Variants in AUTS2 observed in about 807,000 individuals in gnomAD.
AUTS2 encodes the protein activator of transcription and developmental regulator AUTS2.
A neutral mutation model predicts 112.4 loss-of-function variants in AUTS2; 17 were observed. The observed-to-expected ratio is 0.15, with a 90% CI of 0.10 to 0.23. The LOEUF is 0.23. Ranked by LOEUF, AUTS2 falls within the 10% of genes least tolerant of loss-of-function variation. AUTS2 has a pLI of 1.00. For synonymous variants in AUTS2, 751 were observed against 702.7 expected (o/e 1.07, Z -1.09); for missense variants, 1,510 against 1,701.6 (o/e 0.89, Z 1.98).
chr7:69,632,481 C>A (rs1021252720), intron 1 of AUTS2, among the ~76,000 whole-genome samples: 3 of 151,960 alleles, frequency 2.0e-5, no homozygotes, highest in Non-Finnish European at 2.9e-5. Flanking sequence ...ATCTCTTAGG[C>A]TGACGTGCTC....
intron 4 of AUTS2, among the ~76,000 whole-genome samples, chr7:70,208,306 C>A (rs1025334178): frequency 2.6e-5 from 4 of 152,224 alleles, no homozygotes; most frequent in African/African-American, 9.6e-5. Flanking sequence ...CTTGAAGGAG[C>A]AAGTTAGGAA....
At chr7:70,507,089 T>TTTC (rs1798994416) in intron 5 of AUTS2, among the ~76,000 whole-genome samples, 1 of 152,228 alleles carries the variant, frequency 6.6e-6, no homozygotes, top group Admixed American at 6.5e-5. Context: ...AACATTTTAT[T>TTTC]CAGAAGGCAA....
At chr7:70,504,946 T>C (rs922265181) in intron 5 of AUTS2, among the ~76,000 whole-genome samples, 6 of 152,100 alleles carry the variant, frequency 3.9e-5, no homozygotes, top group Non-Finnish European at 5.9e-5. Flanking sequence ...TGGAAGAGGC[T>C]GGAAAAAGAA....
At chr7:70,569,927 C>T (rs2129525162) in intron 5 of AUTS2, among the ~76,000 whole-genome samples, 1 of 152,098 alleles carries the variant, frequency 6.6e-6, no homozygotes, top group East Asian at 1.9e-4. Context: ...CAAAACAAAA[C>T]TCAAGAAACT....
At chr7:69,729,183 G>GAT (rs1185860882) in intron 1 of AUTS2, among the ~76,000 whole-genome samples, 2 of 152,072 alleles carry the variant, frequency 1.3e-5, no homozygotes, top group Admixed American at 1.3e-4. Flanking sequence ...TCATTTATAG[G>GAT]ATATATATAC....
At chr7:70,740,754 A>G (rs945916300) in intron 6 of AUTS2, among the ~76,000 whole-genome samples, 3 of 152,198 alleles carry the variant, frequency 2.0e-5, no homozygotes, top group Non-Finnish European at 2.9e-5. Flanking sequence ...CTTATTAAGT[A>G]CATTGAAGAG....
chr7:70,442,905 C>T (rs540351048), intron 5 of AUTS2, among the ~76,000 whole-genome samples: 4 of 152,168 alleles, frequency 2.6e-5, no homozygotes, highest in Admixed American at 6.5e-5. Flanking sequence ...CCAAAATCAT[C>T]ATATTTCCAA....
chr7:69,658,482 T>G (rs937268165), intron 1 of AUTS2, among the ~76,000 whole-genome samples: 1 of 152,226 alleles, frequency 6.6e-6, no homozygotes, highest in Non-Finnish European at 1.5e-5. Context: ...TAGACAATTA[T>G]ATACTATTTC....
intron 2 of AUTS2, among the ~76,000 whole-genome samples, chr7:70,034,171 T>C (rs1800901150): frequency 6.6e-6 from 1 of 152,190 alleles, no homozygotes; most frequent in Non-Finnish European, 1.5e-5. Flanking sequence ...AACTGTTTGG[T>C]GCTTACCTGG....
At chr7:70,707,963 G>C (rs1054347922) in intron 6 of AUTS2, among the ~76,000 whole-genome samples, 1 of 152,162 alleles carries the variant, frequency 6.6e-6, no homozygotes, top group South Asian at 2.1e-4. Flanking sequence ...TCTGACCCTC[G>C]TAAACCTTGT....
intron 2 of AUTS2, among the ~76,000 whole-genome samples, chr7:70,053,574 C>T (rs887894369): frequency 1.7e-4 from 19 of 110,432 alleles, no homozygotes; most frequent in Non-Finnish European, 2.9e-4. Context: ...GGATCTCACT[C>T]TGTTTCCCAG....
chr7:70,175,767 A>G (rs1267025125), intron 4 of AUTS2, among the ~76,000 whole-genome samples: 1 of 152,230 alleles, frequency 6.6e-6, no homozygotes, highest in Admixed American at 6.5e-5. Flanking sequence ...TTTTAAAATT[A>G]AGGTAACTAC....
chr7:69,907,648 A>G (rs1341431905), intron 2 of AUTS2, among the ~76,000 whole-genome samples: 1 of 152,246 alleles, frequency 6.6e-6, no homozygotes, highest in Non-Finnish European at 1.5e-5. Flanking sequence ...ATTGTAGGCC[A>G]CATTTTTGGT....
intron 6 of AUTS2, among the ~76,000 whole-genome samples, chr7:70,728,924 TGATTA>T (rs1241659618): frequency 6.6e-6 from 1 of 152,076 alleles, no homozygotes; most frequent in Non-Finnish European, 1.5e-5. Flanking sequence ...CAATGCTCCC[TGATTA>T]GAAGAAATGT....
At chr7:70,785,055 G>A in intron 16 of AUTS2, 36 bp downstream of exon 16, 1 of 1,604,070 alleles carries the variant, frequency 6.2e-7, no homozygotes, top group Non-Finnish European at 8.5e-7. Flanking sequence ...TGAGATGTGT[G>A]CTTCAGGCAA....
chr7:70,312,644 G>A lies in AUTS2; in HGVS notation c.661-123108G>A, dbSNP rs1268539260. On this transcript the variant is annotated intron_variant, in intron 4 of 18. Coordinates refer to ENST00000342771, the MANE Select transcript of AUTS2 (RefSeq NM_015570.4). ...CACTGTGAAGGTGGGACTGAAAGTA[G>A]GTGATAGGAAAGGGTGGCCCCACAC... Among the ~76,000 whole-genome samples the A allele has an allele frequency of 2.0e-5, 3 of 152,182 alleles. No individual in the cohort carries two copies. In the East Asian group the frequency reaches 5.8e-4, roughly 29 times the overall value.
intron 6 of AUTS2, among the ~76,000 whole-genome samples, chr7:70,745,890 T>A (rs368987565): frequency 6.6e-6 from 1 of 152,232 alleles, no homozygotes; most frequent in East Asian, 1.9e-4. Context: ...CAGAGAGACA[T>A]GATTTTTCTG....
intron 5 of AUTS2, among the ~76,000 whole-genome samples, chr7:70,685,472 C>CAAAAAAAAAAAAAAAAAA (rs34403837): frequency 1.5e-5 from 1 of 65,988 alleles, no homozygotes. Context: ...GACTCTGTCT[C>CAAAAAAAAAAAAAAAAAA]AAAAAAAAAA....
chr7:70,790,810 C>A lies in AUTS2; in HGVS notation c.3594C>A (p.Ser1198Arg). The part of the protein sequence containing the change: ...GLPSMHYPRI[S>R]PTAGNQNGLL... ...CCAGCATGCACTATCCCCGCATCAG[C>A]CCCACCGCGGGCAACCAGAACGGAC... The change falls in exon 19 of 19, where the codon AGC becomes AGA. Residue 1198 changes from serine to arginine, a missense_variant. This residue lies in a region of AUTS2 where 788 missense variants were observed against 797.6 expected (regional missense o/e 0.99). Coordinates refer to ENST00000342771, the MANE Select transcript of AUTS2 (RefSeq NM_015570.4). This position sits in a 1 kb window ranked among gnomAD's most constrained non-coding sequence, Gnocchi z 7.6. 6.2e-7 allele frequency: 1 copy of A among 1,607,260 alleles called. No homozygotes were observed. The highest frequency in any genetic ancestry group is 1.1e-5 in the South Asian group (1 of 90,266).
Sources: allele counts gnomAD v4.1 joint callset (sites outside exome capture counted in the v4.1 genomes callset), GRCh38; gene constraint gnomAD v4.1.1; regional missense constraint gnomAD v4.1.1; non-coding constraint Gnocchi (gnomAD v3.1); transcripts MANE v1.5; gene names NCBI Gene and HGNC (gene_info 2026-07-23, HGNC 2026-07-21).